IL27RA: variants seen among roughly 807,000 people sequenced by gnomAD.
IL27RA encodes interleukin 27 receptor subunit alpha, also known as interleukin-27 receptor subunit alpha.
A neutral mutation model predicts 80.8 loss-of-function variants in IL27RA; 61 were observed. The ratio of observed to expected loss-of-function variants is 0.76; its 90% CI spans 0.61 to 0.93. The LOEUF (loss-of-function observed/expected upper bound fraction) is 0.93. IL27RA is among the 40% of genes least tolerant of loss of function. The pLI is 0.00. For synonymous variants in IL27RA, 316 were observed against 332.5 expected, an observed-to-expected ratio of 0.95 and a Z score of 0.54; for missense variants, 735 against 808.1, an observed-to-expected ratio of 0.91 and a Z score of 1.10.
rs141588671 is a variant in IL27RA, at chr19:14,035,288, T to C, written c.218+2785T>C. On this transcript the variant is annotated intron_variant, in intron 2 of 13. Coordinates refer to ENST00000263379, the MANE Select transcript of IL27RA (RefSeq NM_004843.4). The stretch of plus-strand genomic sequence containing the variant: ...CTGGGACTACAGGCGTGAGTCACTG[T>C]GCCTGGCCAAAATCTACGATCTTAA... 2.3e-3 allele frequency among the ~76,000 whole-genome samples: 355 copies of C among 151,182 alleles called. 1 individual carries two copies. Among genetic ancestry groups the C allele is most frequent in the African/African-American group, 8.3e-3 (344 of 41,240 alleles).
chr19:14,042,438 C>T lies in IL27RA; in HGVS notation c.535-15C>T. On this transcript the variant is annotated splice_polypyrimidine_tract_variant and intron_variant, in intron 4 of 13. Transcript: ENST00000263379. ...CAGGCCCTGGGCCCATCACGCTCGC[C>T]TGTCTCTCCCCCAGCTGGAACCGGA... 4 of 1,612,446 alleles carry T rather than the reference C, an allele frequency of 2.5e-6. No homozygotes were observed. Among genetic ancestry groups the T allele is most frequent in the Non-Finnish European group, 3.4e-6 (4 of 1,178,908 alleles).
intron 8 of IL27RA, 125 bp from the exon 9 acceptor site, chr19:14,048,856 A>G: frequency 1.2e-6 from 1 of 833,734 alleles, no homozygotes; most frequent in Non-Finnish European, 2.0e-6. Context: ...TACCTCCTAG[A>G]TAAATGACTT....
rs375588233 is a variant in IL27RA at position 14,052,297 on chromosome 19, C to A, written c.*7C>A. 1.8e-3 allele frequency: 2,724 copies of A among 1,478,874 alleles called. 4 individuals carry two copies. Among genetic ancestry groups the A allele is most frequent in the Non-Finnish European group, 2.3e-3 (2,562 of 1,115,288 alleles). 91.6% of individuals were successfully genotyped at this position (1,478,874 alleles called of 1,614,324 possible). A position where few individuals can be genotyped will look rare whatever the true frequency, so the allele number is the denominator to read the frequency against. On this transcript the variant is annotated 3_prime_UTR_variant, in exon 14 of 14. Coordinates refer to ENST00000263379, the MANE Select transcript of IL27RA (RefSeq NM_004843.4). ...GCCACAGGTTCTGGCCTGAACCACA[C>A]GTCTGGCTGGGGGCTGCCAGCCAGG... is the stretch of plus-strand genomic sequence containing the variant.
rs768245445 is a variant in IL27RA at position 14,031,886 on chromosome 19, G to T, written c.14G>T (p.Arg5Met). The T allele has an allele frequency of 6.2e-7, 1 of 1,601,884 alleles. No homozygotes were observed. The highest frequency in any genetic ancestry group is 1.1e-5 in the South Asian group (1 of 89,310). ...CCGAGGGACGCCATGCGGGGAGGCA[G>T]GGGCGCCCCTTTCTGGCTGTGGCCG... MRGG[R>M]GAPFWLWPLP... The change falls in exon 1 of 14, where the codon AGG (arginine) becomes ATG (methionine). Residue 5 changes from arginine to methionine, a missense_variant. Coordinates refer to ENST00000263379, the MANE Select transcript of IL27RA (RefSeq NM_004843.4).
intron 2 of IL27RA, among the ~76,000 whole-genome samples, chr19:14,032,805 CAAAAAA>C (rs60328140): frequency 1.2e-4 from 7 of 60,792 alleles, no homozygotes; most frequent in South Asian, 1.2e-3. Flanking sequence ...GACTCTGTCT[CAAAAAA>C]AAAAAAAAAA....
chr19:14,049,023 C>A lies in IL27RA; in HGVS notation c.1184C>A (p.Ala395Glu). The stretch of plus-strand genomic sequence containing the variant: ...GTCCCCTATCGAATCACTGTGACCG[C>A]AGTCTCTGCTTCAGGCTTGGCCTCT... ...VGVPYRITVT[A>E]VSASGLASAS... Residue 395 changes from alanine (A) to glutamate (E), a missense_variant, in exon 9 of 14, where the codon GCA becomes GAA. Coordinates refer to ENST00000263379, the MANE Select transcript of IL27RA (RefSeq NM_004843.4). 1 of 1,614,020 alleles carries A rather than the reference C, an allele frequency of 6.2e-7. No individual in the cohort carries two copies. The highest frequency in any genetic ancestry group is 8.5e-7 in the Non-Finnish European group (1 of 1,179,970).
intron 2 of IL27RA, among the ~76,000 whole-genome samples, chr19:14,037,331 G>T (rs927563738): frequency 6.6e-5 from 10 of 151,414 alleles, no homozygotes; most frequent in African/African-American, 2.4e-4. Flanking sequence ...AGCAATCTCA[G>T]CTCAATGCAA....
At position 14,041,091 on chromosome 19, in the gene IL27RA, C is replaced by T. The variant is rs369848333; in HGVS notation, c.534+1181C>T. Among the ~76,000 whole-genome samples, 65 of 150,756 alleles carry T rather than the reference C, an allele frequency of 4.3e-4. 1 individual carries two copies. The highest frequency in any genetic ancestry group is 2.0e-3 in the East Asian group (10 of 5,022). On this transcript the variant is annotated intron_variant, in intron 4 of 13. Coordinates refer to ENST00000263379, the MANE Select transcript of IL27RA (RefSeq NM_004843.4). ...GCTCATTTTGTATTTTCAGTAGAGA[C>T]GGGGTTTCTCCATGTTGGTCAGGCT...
intron 8 of IL27RA, among the ~76,000 whole-genome samples, chr19:14,047,723 G>C (rs1256053266): frequency 7.0e-6 from 1 of 141,950 alleles, no homozygotes; most frequent in Non-Finnish European, 1.5e-5. Flanking sequence ...GTGCGATATC[G>C]GCTCACTGCA....
rs751711470 is a variant in IL27RA at position 14,032,467 on chromosome 19, G to C, written c.182G>C (p.Gly61Ala). 1.9e-5 allele frequency: 30 copies of C among 1,613,526 alleles called. No homozygotes were observed. In the South Asian group the frequency reaches 3.3e-4, roughly 18 times the overall value. Residue 61 changes from glycine to alanine, a missense_variant, in exon 2 of 14, where the codon GGA (glycine) becomes GCA (alanine). By Grantham distance (60) the Gly-to-Ala change is moderately conservative. Coordinates refer to ENST00000263379, the MANE Select transcript of IL27RA (RefSeq NM_004843.4). ...TCGTGGGAGCCTCTTGGGGACCTGG[G>C]AGCCCCCTCCGAGTTACACCTCCAG... ...NCSWEPLGDL[G>A]APSELHLQSQ... is the part of the protein sequence containing the mutation.
intron 4 of IL27RA, among the ~76,000 whole-genome samples, chr19:14,040,829 CAAA>C (rs951488217): frequency 7.8e-6 from 1 of 128,820 alleles, no homozygotes; most frequent in African/African-American, 2.9e-5. Flanking sequence ...GACTCCGTCT[CAAA>C]AAAAAAAAGA....
chr19:14,034,658 T>TAC, intron 2 of IL27RA, among the ~76,000 whole-genome samples: 1 of 119,416 alleles, frequency 8.4e-6, no homozygotes, highest in East Asian at 2.5e-4. Context: ...AGACTCTGTC[T>TAC]AAAAAAAAAA....
intron 10 of IL27RA, among the ~76,000 whole-genome samples, chr19:14,049,924 C>T (rs1976135027): frequency 6.6e-6 from 1 of 151,998 alleles, no homozygotes; most frequent in Non-Finnish European, 1.5e-5. Context: ...CATGGTGGGT[C>T]ACGCCTGTAA....
chr19:14,048,881 A>G (rs1976110825), intron 8 of IL27RA, 100 bp from the exon 9 acceptor site: 1 of 992,518 alleles, frequency 1.0e-6, no homozygotes, highest in African/African-American at 1.6e-5. Flanking sequence ...TCAGATCCTT[A>G]TCTCAGGGTG....
At chr19:14,036,984 C>T (rs1206418835) in intron 2 of IL27RA, among the ~76,000 whole-genome samples, 7 of 151,948 alleles carry the variant, frequency 4.6e-5, no homozygotes, top group Admixed American at 1.3e-4. Flanking sequence ...GACAGGCATG[C>T]GCCATCACAC....
At chr19:14,034,199 C>T (rs1975864007) in intron 2 of IL27RA, among the ~76,000 whole-genome samples, 1 of 152,046 alleles carries the variant, frequency 6.6e-6, no homozygotes, top group African/African-American at 2.4e-5. Context: ...GACAGAAAGC[C>T]CTGCCCACAG....
intron 8 of IL27RA, 91 bp from the exon 9 acceptor site, chr19:14,048,890 T>C: frequency 9.5e-7 from 1 of 1,053,938 alleles, no homozygotes; most frequent in Non-Finnish European, 1.5e-6. Context: ...TATCTCAGGG[T>C]GTCCTTCTGG....
In IL27RA at chr19:14,052,308, G is replaced by C; in HGVS notation, c.*18G>C. 6.8e-7 allele frequency: 1 copy of C among 1,466,078 alleles called. No individual in the cohort carries two copies. The allele number at this position is 1,466,078 out of a possible 1,614,324, so 90.8% of individuals were successfully genotyped here. A position where few individuals can be genotyped will look rare whatever the true frequency, so the allele number is the denominator to read the frequency against. ...TGGCCTGAACCACACGTCTGGCTGG[G>C]GGCTGCCAGCCAGGCTAGAGGGATG... On this transcript the variant is annotated 3_prime_UTR_variant, in exon 14 of 14. Transcript: ENST00000263379.
In IL27RA at chr19:14,051,044, C is replaced by G. The variant is rs577894501; in HGVS notation, c.1528+161C>G. On this transcript the variant is annotated intron_variant, in intron 11 of 13. Coordinates refer to ENST00000263379, the MANE Select transcript of IL27RA (RefSeq NM_004843.4). ...CAGGTGGATCACTTGAGCCCAGGAG[C>G]TCGAGACCAGCCTGGGCAACATAGT... 1.2e-3 allele frequency among the ~76,000 whole-genome samples: 181 copies of G among 151,930 alleles called. 1 individual carries two copies. The highest frequency in any genetic ancestry group is 4.1e-3 in the African/African-American group (171 of 41,404).
Sources: gnomAD v4.1 joint callset for allele counts (sites outside exome capture counted in the v4.1 genomes callset) on GRCh38, gnomAD v4.1.1 for gene constraint, MANE v1.5 for transcripts, NCBI Gene and HGNC (gene_info 2026-07-23, HGNC 2026-07-21) for gene names.